ITGA9: variants seen among roughly 807,000 people sequenced by gnomAD.
ITGA9 encodes integrin alpha-9.
Under a neutral mutation model 127.8 loss-of-function variants are expected in ITGA9, and 56 were observed. The observed-to-expected ratio is 0.44, with a 90% CI of 0.35 to 0.55. The LOEUF is 0.55. Ranked by LOEUF, ITGA9 falls within the 20% of genes least tolerant of loss-of-function variation. The pLI, the probability that ITGA9 is intolerant of heterozygous loss-of-function variation, is 0.00. For missense variants in ITGA9, 1,196 were observed against 1,347.1 expected (o/e 0.89, Z 1.76); for synonymous variants, 508 against 514.5 (o/e 0.99, Z 0.17).
At chr3:37,652,736 G>A (rs888934032) in intron 16 of ITGA9, among the ~76,000 whole-genome samples, 2 of 152,132 alleles carry the variant, frequency 1.3e-5, no homozygotes, top group Admixed American at 1.3e-4. Flanking sequence ...TTAATAATGA[G>A]TAAATTACAA....
chr3:37,496,317 A>C (rs1397320888), intron 5 of ITGA9, among the ~76,000 whole-genome samples: 1 of 152,168 alleles, frequency 6.6e-6, no homozygotes, highest in African/African-American at 2.4e-5. Context: ...TTTTTATGAC[A>C]GTCGACAGAG....
chr3:37,605,672 A>G (rs987401144), intron 15 of ITGA9, among the ~76,000 whole-genome samples: 6 of 152,180 alleles, frequency 3.9e-5, no homozygotes, highest in Non-Finnish European at 8.8e-5. Flanking sequence ...TATCTGAGCT[A>G]TAATATGATT....
At chr3:37,498,155 G>T (rs917491278) in intron 5 of ITGA9, among the ~76,000 whole-genome samples, 2 of 152,206 alleles carry the variant, frequency 1.3e-5, no homozygotes, top group Admixed American at 6.5e-5. Context: ...GATATAAACT[G>T]CCAAGTCTGC....
intron 26 of ITGA9, among the ~76,000 whole-genome samples, chr3:37,786,901 C>T (rs973116567): frequency 2.0e-5 from 3 of 152,196 alleles, no homozygotes; most frequent in Non-Finnish European, 4.4e-5. Context: ...GGCTGGAGTG[C>T]ACTGGTGCAA....
intron 1 of ITGA9, among the ~76,000 whole-genome samples, chr3:37,466,777 A>C (rs909346994): frequency 5.3e-5 from 8 of 151,234 alleles, no homozygotes; most frequent in Non-Finnish European, 1.0e-4. Flanking sequence ...ACCACACTTG[A>C]AGTAGCAAGC....
chr3:37,452,244 G>A lies in ITGA9; in HGVS notation c.-131G>A, dbSNP rs1353983452. On this transcript the variant is annotated 5_prime_UTR_variant, in exon 1 of 28. Transcript: ENST00000264741. The surrounding 1 kb of genome is among the most constrained non-coding windows in gnomAD (Gnocchi z 7.3). ...TCCGCGCCCCGGTGGCGGGCCCGAC[G>A]CCCGCATTCCGCCCGTGTCCAGGCG... The A allele has an allele frequency of 2.9e-6, 1 of 346,804 alleles. No homozygotes were observed. The allele number at this position is 346,804 out of a possible 1,614,324, so 21.5% of individuals were successfully genotyped here.
At chr3:37,491,686 A>G (rs1397422325) in intron 4 of ITGA9, among the ~76,000 whole-genome samples, 1 of 152,142 alleles carries the variant, frequency 6.6e-6, no homozygotes, top group Admixed American at 6.5e-5. Context: ...CACTTCCCAT[A>G]GCTTTGTGAT....
intron 18 of ITGA9, among the ~76,000 whole-genome samples, chr3:37,704,772 T>A (rs919737700): frequency 1.3e-5 from 2 of 152,200 alleles, no homozygotes; most frequent in Non-Finnish European, 2.9e-5. Context: ...GAATGATTGA[T>A]TATATCCTGT....
chr3:37,550,594 C>G (rs987318740), intron 15 of ITGA9, among the ~76,000 whole-genome samples: 4 of 152,198 alleles, frequency 2.6e-5, no homozygotes, highest in Admixed American at 2.6e-4. Flanking sequence ...CAATAGCACA[C>G]AGTTGTTTAG....
intron 15 of ITGA9, among the ~76,000 whole-genome samples, chr3:37,625,582 A>G (rs1700168828): frequency 6.6e-6 from 1 of 152,134 alleles, no homozygotes; most frequent in Non-Finnish European, 1.5e-5. Flanking sequence ...AGAAGCTTCA[A>G]TTTTAGAATT....
At position 37,803,942 on chromosome 3, in the gene ITGA9, G is replaced by A. The variant is rs761327015; in HGVS notation, c.3009G>A (p.Lys1003=). 1.2e-6 allele frequency: 2 copies of A among 1,613,990 alleles called. No homozygotes were observed. The highest frequency in any genetic ancestry group is 1.7e-5 in the Admixed American group (1 of 60,004). ...IFLLLAVLLW[K]MGFFRRRYKE... ...TGCTGCTGGCCGTGCTGCTCTGGAA[G>A]GTGAGTCTGGTGATTGCAGGTCCCC... The change falls in exon 27 of 28, where the codon AAG becomes AAA. Residue 1003 remains lysine (K), a splice_region_variant and synonymous_variant. Coordinates refer to ENST00000264741, the MANE Select transcript of ITGA9 (RefSeq NM_002207.3).
chr3:37,633,053 A>G (rs1700242515), intron 16 of ITGA9, among the ~76,000 whole-genome samples: 1 of 152,192 alleles, frequency 6.6e-6, no homozygotes, highest in Non-Finnish European at 1.5e-5. Flanking sequence ...CTAACTCTCA[A>G]AAGTCTAATG....
At chr3:37,457,112 A>G (rs528212972) in intron 1 of ITGA9, among the ~76,000 whole-genome samples, 50 of 152,360 alleles carry the variant, frequency 3.3e-4, no homozygotes, top group South Asian at 2.7e-3. Flanking sequence ...CCCATAGCAT[A>G]TGTGAGTACT....
At chr3:37,715,152 G>A (rs1701121237) in intron 18 of ITGA9, among the ~76,000 whole-genome samples, 1 of 152,192 alleles carries the variant, frequency 6.6e-6, no homozygotes, top group Admixed American at 6.5e-5. Flanking sequence ...GTCTCATTCT[G>A]AGAGTGGCTT....
At chr3:37,475,727 G>A (rs1463511385) in intron 3 of ITGA9, among the ~76,000 whole-genome samples, 1 of 152,144 alleles carries the variant, frequency 6.6e-6, no homozygotes, top group African/African-American at 2.4e-5. Flanking sequence ...TCTAATTGTG[G>A]CCAAACACAT....
intron 10 of ITGA9, among the ~76,000 whole-genome samples, chr3:37,518,093 C>CATGTGTGTGTGTGTGTGT (rs1553643685): frequency 6.9e-6 from 1 of 144,106 alleles, no homozygotes; most frequent in Non-Finnish European, 1.5e-5. Flanking sequence ...AGAGTGTACG[C>CATGTGTGTGTGTGTGTGT]GTGTGTGTGT....
At chr3:37,507,041 A>C (rs1190671357) in intron 7 of ITGA9, among the ~76,000 whole-genome samples, 2 of 152,158 alleles carry the variant, frequency 1.3e-5, no homozygotes, top group African/African-American at 2.4e-5. Flanking sequence ...ATTTCTGTGG[A>C]TCCTCCTGGG....
chr3:37,496,305 C>A (rs1451850468), intron 5 of ITGA9, among the ~76,000 whole-genome samples: 2 of 152,192 alleles, frequency 1.3e-5, no homozygotes, highest in African/African-American at 4.8e-5. Flanking sequence ...GCTGGAGAAT[C>A]ATTTTTATGA....
chr3:37,726,948 T>C (rs1052998114), intron 18 of ITGA9, among the ~76,000 whole-genome samples: 1 of 152,236 alleles, frequency 6.6e-6, no homozygotes, highest in African/African-American at 2.4e-5. Flanking sequence ...AACCCATAGT[T>C]AGTTGAAAAT....
Sources: allele counts gnomAD v4.1 joint callset (sites outside exome capture counted in the v4.1 genomes callset), GRCh38; gene constraint gnomAD v4.1.1; non-coding constraint Gnocchi (gnomAD v3.1); transcripts MANE v1.5; gene names NCBI Gene and HGNC (gene_info 2026-07-23, HGNC 2026-07-21).